NUP93: variants seen among roughly 807,000 people sequenced by gnomAD.
NUP93 encodes the protein nuclear pore complex protein Nup93.
In NUP93, 55 loss-of-function variants were observed where a neutral mutation model predicts 107.8. The ratio of observed to expected loss-of-function variants is 0.51; its 90% CI spans 0.41 to 0.64. The LOEUF is 0.64. NUP93 is among the 30% of genes least tolerant of loss of function. NUP93 has a pLI of 0.00. For synonymous variants in NUP93, 390 were observed against 397.5 expected, an observed-to-expected ratio of 0.98 and a Z score of 0.22; for missense variants, 937 against 1,044.7, an observed-to-expected ratio of 0.90 and a Z score of 1.42.
At chr16:56,768,905 A>G (rs1390900774) in intron 3 of NUP93, among the ~76,000 whole-genome samples, 2 of 151,714 alleles carry the variant, frequency 1.3e-5, no homozygotes, top group Non-Finnish European at 2.9e-5. Flanking sequence ...TACCCCAGCT[A>G]ACATCAGGGA....
Position 56,817,563 on chromosome 16 carries a change from G to A in NUP93, c.490-1101G>A, listed in dbSNP as rs554573168. ...GCTATGCTACAGTACAAACTAGTCAGTGGGAACTTAAGAATTTACCTAATT... is the reference window on the plus strand; with the variant it reads ...GCTATGCTACAGTACAAACTAGTCAATGGGAACTTAAGAATTTACCTAATT... On this transcript the variant is annotated intron_variant, in intron 5 of 21. Transcript: ENST00000308159. 3.9e-5 allele frequency among the ~76,000 whole-genome samples: 6 copies of A among 152,290 alleles called. No homozygotes were observed. In the East Asian group the frequency reaches 1.2e-3, roughly 29 times the overall value.
intron 1 of NUP93, among the ~76,000 whole-genome samples, chr16:56,731,398 T>A (rs2144422898): frequency 6.6e-6 from 1 of 151,956 alleles, no homozygotes; most frequent in Non-Finnish European, 1.5e-5. Context: ...TTTCTTTTCT[T>A]TCCTTTTTTT....
intron 3 of NUP93, among the ~76,000 whole-genome samples, chr16:56,797,452 C>T (rs1019180047): frequency 6.6e-6 from 1 of 152,174 alleles, no homozygotes; most frequent in Non-Finnish European, 1.5e-5. Context: ...AAAGAAACTG[C>T]CCCCTTGTAT....
chr16:56,823,668 C>A, intron 7 of NUP93, 39 bp from the exon 8 acceptor site: 1 of 1,607,640 alleles, frequency 6.2e-7, no homozygotes. Flanking sequence ...ATTTCTCTGG[C>A]CCTGCAGCAT....
chr16:56,811,724 G>A (rs1232746343), intron 5 of NUP93, among the ~76,000 whole-genome samples: 5 of 152,056 alleles, frequency 3.3e-5, no homozygotes, highest in Non-Finnish European at 7.4e-5. Context: ...GCCCTCCTCT[G>A]TTTCCCAAAG....
Position 56,848,163 on chromosome 16 carries a change from A to G in NUP93, c.*3554A>G, listed in dbSNP as rs1249811498. ...TTAGGTGGTTCACATCACTTGCCAA[A>G]TTTCCAGCATGCCACTCAGGAAGTG... On this transcript the variant is annotated 3_prime_UTR_variant, in exon 22 of 22. Transcript: ENST00000308159. 6.6e-6 allele frequency: 1 copy of G among 152,148 alleles called. No individual in the cohort carries two copies. The highest frequency in any genetic ancestry group is 2.4e-5 in the African/African-American group (1 of 41,430). 9.4% of individuals were successfully genotyped at this position (152,148 alleles called of 1,614,324 possible).
In NUP93 at chr16:56,758,612, C is replaced by A. The variant is rs1363287465; in HGVS notation, c.254C>A (p.Thr85Asn). Reference protein sequence around the residue: ...SQRLESLSAATTFEPLEPVKD... With the variant: ...SQRLESLSAANTFEPLEPVKD... The stretch of plus-strand genomic sequence containing the variant: ...CGATTGGAGAGTCTGAGTGCAGCCA[C>A]CACCTTTGAGCCTCTTGAGCCTGTG... Residue 85 changes from threonine to asparagine, a missense_variant, in exon 3 of 22, where the codon ACC (threonine) becomes AAC (asparagine). By Grantham distance (65) the Thr-to-Asn change is moderately conservative. Transcript: ENST00000308159. The A allele has an allele frequency of 6.2e-7, 1 of 1,613,756 alleles. No individual in the cohort carries two copies. Among genetic ancestry groups the A allele is most frequent in the African/African-American group, 1.3e-5 (1 of 74,878 alleles).
intron 3 of NUP93, among the ~76,000 whole-genome samples, chr16:56,796,763 G>T (rs1567392838): frequency 6.6e-6 from 1 of 152,080 alleles, no homozygotes; most frequent in Non-Finnish European, 1.5e-5. Context: ...TGGATCACAA[G>T]GTCAGGAGAT....
At chr16:56,787,490 A>G (rs1360977145) in intron 3 of NUP93, among the ~76,000 whole-genome samples, 1 of 152,216 alleles carries the variant, frequency 6.6e-6, no homozygotes, top group African/African-American at 2.4e-5. Context: ...AAAGCTGCTC[A>G]GCTCCTACCT....
chr16:56,769,491 G>A (rs1338338743), intron 3 of NUP93, among the ~76,000 whole-genome samples: 1 of 152,090 alleles, frequency 6.6e-6, no homozygotes, highest in African/African-American at 2.4e-5. Flanking sequence ...TTATCTCCAG[G>A]TGCTTGCTTT....
Position 56,845,920 on chromosome 16 carries a change from G to T in NUP93, c.*1311G>T, listed in dbSNP as rs1302844596. The T allele has an allele frequency of 1.3e-5, 2 of 152,224 alleles. No individual in the cohort carries two copies. Among genetic ancestry groups the T allele is most frequent in the African/African-American group, 2.4e-5 (1 of 41,456 alleles). The allele number at this position is 152,224 out of a possible 1,614,324, so 9.4% of individuals were successfully genotyped here. A position where few individuals can be genotyped will look rare whatever the true frequency, so the allele number is the denominator to read the frequency against. ...TAGGATTCCATGTTCCAGGAAGGAT[G>T]CGGCCTGAGGGTCAGTGGAGCTGTG... On this transcript the variant is annotated 3_prime_UTR_variant, in exon 22 of 22. Transcript: ENST00000308159.
Position 56,833,092 on chromosome 16 carries a change from C to T in NUP93, c.1346-123C>T, listed in dbSNP as rs569652858. The T allele has an allele frequency of 5.2e-4, 406 of 781,660 alleles. 1 individual carries two copies. The highest frequency in any genetic ancestry group is 1.5e-3 in the Middle Eastern group (4 of 2,660). 48.4% of individuals were successfully genotyped at this position (781,660 alleles called of 1,614,324 possible). On this transcript the variant is annotated intron_variant, in intron 12 of 21. Transcript: ENST00000308159. The stretch of plus-strand genomic sequence containing the variant: ...CCCCCTTGATCAATTCAGACTCAAT[C>T]TGGTGCTTTCTTCCTGTCCAGCAAG...
chr16:56,842,398 C>T (rs1228321589), intron 21 of NUP93, among the ~76,000 whole-genome samples: 1 of 152,172 alleles, frequency 6.6e-6, no homozygotes, highest in African/African-American at 2.4e-5. Context: ...TGTGCCCTTT[C>T]TGCTGCCTGT....
chr16:56,754,543 C>G (rs1032223989), intron 2 of NUP93, among the ~76,000 whole-genome samples: 2 of 152,198 alleles, frequency 1.3e-5, no homozygotes, highest in African/African-American at 2.4e-5. Context: ...GCAAATGTTC[C>G]CATTCCAAAA....
rs572547951 is a variant in NUP93 at position 56,794,405 on chromosome 16, G to A, written c.298-4071G>A. Among the ~76,000 whole-genome samples the A allele has an allele frequency of 5.7e-4, 18 of 31,582 alleles. No homozygotes were observed. The East Asian group carries it at 0.17, about 298-fold the overall frequency. 20.7% of individuals were successfully genotyped at this position (31,582 alleles called of 152,430 possible). ...GAGAGTTCTAAAATGCAGCTTTATA[G>A]TAAATAAAGACCAGAGTAATCTATC... On this transcript the variant is annotated intron_variant, in intron 3 of 21. Coordinates refer to ENST00000308159, the MANE Select transcript of NUP93 (RefSeq NM_014669.5).
intron 18 of NUP93, 101 bp downstream of exon 18, chr16:56,837,827 C>A: frequency 1.2e-6 from 1 of 804,800 alleles, no homozygotes; most frequent in Non-Finnish European, 2.0e-6. Flanking sequence ...TAGGTAACAG[C>A]AGACAGCTTT....
intron 5 of NUP93, among the ~76,000 whole-genome samples, chr16:56,812,852 C>T (rs72786722): frequency 0.088 from 13,350 of 152,262 alleles, 802 homozygotes; most frequent in Non-Finnish European, 0.13. Context: ...CGAATCCTCA[C>T]GTCGCAGTTT....
chr16:56,823,089 G>A (rs1017136346), intron 7 of NUP93, among the ~76,000 whole-genome samples: 1 of 152,110 alleles, frequency 6.6e-6, no homozygotes, highest in African/African-American at 2.4e-5. Context: ...CTGGGGAGAG[G>A]GAGTCCCAGC....
chr16:56,773,820 T>G (rs913354952), intron 3 of NUP93, among the ~76,000 whole-genome samples: 2 of 152,204 alleles, frequency 1.3e-5, no homozygotes, highest in African/African-American at 2.4e-5. Context: ...TAATACTGAA[T>G]TTTCACTAAA....
Sources: allele counts gnomAD v4.1 joint callset (sites outside exome capture counted in the v4.1 genomes callset), GRCh38; gene constraint gnomAD v4.1.1; transcripts MANE v1.5; gene names NCBI Gene and HGNC (gene_info 2026-07-23, HGNC 2026-07-21).